ABHD2: variants seen among roughly 807,000 people sequenced by gnomAD.
The protein encoded by ABHD2 is monoacylglycerol lipase ABHD2.
A neutral mutation model predicts 48.1 loss-of-function variants in ABHD2; 20 were observed. That is an observed-to-expected ratio of 0.42 (90% confidence interval 0.29 to 0.60). The LOEUF (loss-of-function observed/expected upper bound fraction) is 0.60. Ranked by LOEUF, ABHD2 falls within the 20% of genes least tolerant of loss-of-function variation. The probability of loss-of-function intolerance (pLI) is 0.24; values close to 1 mark genes in which losing one functional copy is unlikely to be tolerated. For missense variants in ABHD2, 405 were observed against 550.9 expected (o/e 0.74, Z 2.65); for synonymous variants, 209 against 214.2 (o/e 0.98, Z 0.21).
chr15:89,140,315 C>A (rs1365190133), intron 3 of ABHD2, among the ~76,000 whole-genome samples: 1 of 152,142 alleles, frequency 6.6e-6, no homozygotes, highest in African/African-American at 2.4e-5. Context: ...TTTAAATAAA[C>A]CTCTAGAGTA....
intron 1 of ABHD2, chr15:89,093,820 G>C (rs2049566752): frequency 6.6e-6 from 1 of 152,148 alleles, no homozygotes; most frequent in African/African-American, 2.4e-5. Flanking sequence ...AGTTTTCAAG[G>C]TTCTTCGTAT....
intron 3 of ABHD2, among the ~76,000 whole-genome samples, chr15:89,124,698 A>G (rs917740232): frequency 3.3e-5 from 5 of 152,212 alleles, no homozygotes; most frequent in African/African-American, 4.8e-5. Flanking sequence ...TCATGCCTGT[A>G]ATGCCAGCAC....
intron 3 of ABHD2, among the ~76,000 whole-genome samples, chr15:89,150,887 G>A (rs1022861002): frequency 2.0e-5 from 3 of 152,226 alleles, no homozygotes; most frequent in Non-Finnish European, 4.4e-5. Flanking sequence ...CAGTCACCTT[G>A]TACTGTGGTT....
At chr15:89,060,249 C>G in the ABHD2 span, among the ~76,000 whole-genome samples, 43 of 151,872 alleles carry the variant, frequency 2.8e-4, no homozygotes, top group African/African-American at 1.0e-3. Flanking sequence ...CACAACCATG[C>G]CCGGCTAATT....
chr15:89,042,666 A>C, the ABHD2 span, among the ~76,000 whole-genome samples: 1 of 144,432 alleles, frequency 6.9e-6, no homozygotes, highest in Non-Finnish European at 1.5e-5. Context: ...TTCTTTTTCG[A>C]GACAGAGTCT....
intron 5 of ABHD2, among the ~76,000 whole-genome samples, chr15:89,158,416 T>A (rs1029782821): frequency 6.6e-6 from 1 of 152,124 alleles, no homozygotes; most frequent in African/African-American, 2.4e-5. Flanking sequence ...AGAGACCAGA[T>A]TGGAAGGCGT....
rs905084827 is a variant in ABHD2 at position 89,179,230 on chromosome 15, G to A, written c.722+3235G>A. The stretch of plus-strand genomic sequence containing the variant: ...GGGGCAGAAGCCCCTTACAGCAGGG[G>A]TCCCAACTGCTGTTAGGAACCAGGC... On this transcript the variant is annotated intron_variant, in intron 6 of 10. Coordinates refer to ENST00000352732, the MANE Select transcript of ABHD2 (RefSeq NM_152924.5). The surrounding 1 kb of genome is among the most constrained non-coding windows in gnomAD (Gnocchi z 4.3). Among the ~76,000 whole-genome samples, 5 of 152,342 alleles carry A rather than the reference G, an allele frequency of 3.3e-5. No individual in the cohort carries two copies. Among genetic ancestry groups the A allele is most frequent in the Admixed American group, 6.5e-5 (1 of 15,308 alleles).
At chr15:89,170,732 A>G (rs1451873517) in intron 5 of ABHD2, among the ~76,000 whole-genome samples, 2 of 152,180 alleles carry the variant, frequency 1.3e-5, no homozygotes, top group Admixed American at 6.5e-5. Flanking sequence ...CTTTTCTAAC[A>G]TGGGCAGTGG....
At chr15:89,149,214 AACACACACACAC>A (rs35689320) in intron 3 of ABHD2, among the ~76,000 whole-genome samples, 1 of 148,238 alleles carries the variant, frequency 6.7e-6, no homozygotes, top group South Asian at 2.2e-4. Flanking sequence ...ATTGATCCCT[AACACACACACAC>A]ACACACACAC....
At chr15:89,048,234 T>C in the ABHD2 span, among the ~76,000 whole-genome samples, 1,433 of 152,130 alleles carry the variant, frequency 9.4e-3, 27 homozygotes, top group African/African-American at 0.032. Context: ...GCCCCCACTC[T>C]CTTCTGGCTT....
At chr15:89,063,245 G>T in the ABHD2 span, among the ~76,000 whole-genome samples, 5 of 151,308 alleles carry the variant, frequency 3.3e-5, no homozygotes, top group Admixed American at 3.3e-4. Context: ...TGGGATTACA[G>T]GTGTGAGCCA....
the ABHD2 span, among the ~76,000 whole-genome samples, chr15:89,073,133 G>C: frequency 6.6e-6 from 1 of 152,096 alleles, no homozygotes; most frequent in African/African-American, 2.4e-5. Context: ...CACTTTTTGA[G>C]GGGCCTGGGA....
At chr15:89,187,048 G>A (rs555918613) in intron 7 of ABHD2, among the ~76,000 whole-genome samples, 5 of 152,372 alleles carry the variant, frequency 3.3e-5, no homozygotes, top group East Asian at 1.9e-4. Flanking sequence ...ACTGAGGTGC[G>A]TGTAGCTCAG....
chr15:89,160,869 G>A (rs1383643645), intron 5 of ABHD2, among the ~76,000 whole-genome samples: 2 of 152,208 alleles, frequency 1.3e-5, no homozygotes, highest in Admixed American at 1.3e-4. Context: ...TGGGGGAGAA[G>A]CATCCTTCCT....
At chr15:89,109,391 T>A (rs1239844321) in intron 1 of ABHD2, among the ~76,000 whole-genome samples, 1 of 152,102 alleles carries the variant, frequency 6.6e-6, no homozygotes, top group Non-Finnish European at 1.5e-5. Flanking sequence ...AGGGAAGGTG[T>A]GGGCTAGCCG....
chr15:89,127,272 G>A (rs1352211595), intron 3 of ABHD2, among the ~76,000 whole-genome samples: 1 of 152,152 alleles, frequency 6.6e-6, no homozygotes, highest in African/African-American at 2.4e-5. Context: ...CAGCGTGGGT[G>A]CATGGCATCA....
Position 89,160,789 on chromosome 15 carries a change from A to G in ABHD2, c.538+5255A>G, listed in dbSNP as rs573678654. ...CTCTTGAAGCTTCTCCTCAGAAATG[A>G]CAGAGGTCACTCCTGGTCACACTTT... is the stretch of plus-strand genomic sequence containing the variant. On this transcript the variant is annotated intron_variant, in intron 5 of 10. Coordinates refer to ENST00000352732, the MANE Select transcript of ABHD2 (RefSeq NM_152924.5). Among the ~76,000 whole-genome samples the G allele has an allele frequency of 4.7e-4, 71 of 152,266 alleles. 1 individual carries two copies. Among genetic ancestry groups the G allele is most frequent in the South Asian group, 3.7e-3 (18 of 4,830 alleles).
intron 3 of ABHD2, among the ~76,000 whole-genome samples, chr15:89,119,828 C>T (rs542835114): frequency 1.4e-4 from 22 of 152,292 alleles, no homozygotes; most frequent in African/African-American, 5.3e-4. Context: ...CTATAACAAC[C>T]TCCCATGTGT....
chr15:89,071,186 A>G, the ABHD2 span, among the ~76,000 whole-genome samples: 3 of 152,112 alleles, frequency 2.0e-5, no homozygotes, highest in Admixed American at 1.3e-4. Context: ...TTGGGAGGCC[A>G]AGGCGAGTGG....
Sources: gnomAD v4.1 joint callset for allele counts (sites outside exome capture counted in the v4.1 genomes callset) on GRCh38, gnomAD v4.1.1 for gene constraint, Gnocchi (gnomAD v3.1) non-coding constraint, MANE v1.5 for transcripts, NCBI Gene and HGNC (gene_info 2026-07-23, HGNC 2026-07-21) for gene names.